The following ASH1L variants were observed in gnomAD, a reference collection of about 807,000 sequenced individuals.
ASH1L encodes the protein histone-lysine N-methyltransferase ASH1L.
A neutral mutation model predicts 269.0 loss-of-function variants in ASH1L; 23 were observed. That is an observed-to-expected ratio of 0.09 (90% CI 0.06 to 0.12). The LOEUF is 0.12. Among genes scored for constraint, ASH1L ranks in the 10% least tolerant of loss-of-function variants. The pLI is 1.00. For synonymous variants in ASH1L, 1,187 were observed against 1,253.5 expected (o/e 0.95, Z 1.12); for missense variants, 2,912 against 3,567.8 (o/e 0.82, Z 4.68).
intron 2 of ASH1L, among the ~76,000 whole-genome samples, chr1:155,499,509 CATT>C (rs1242253886): frequency 1.3e-5 from 2 of 152,176 alleles, no homozygotes; most frequent in East Asian, 1.9e-4. Flanking sequence ...TTTCTTTCAT[CATT>C]AAGTTTCATC....
At chr1:155,392,592 G>T (rs1349811712) in intron 7 of ASH1L, among the ~76,000 whole-genome samples, 1 of 152,076 alleles carries the variant, frequency 6.6e-6, no homozygotes, top group East Asian at 1.9e-4. Context: ...AGGTTCAAGT[G>T]ATTCTCGTGC....
intron 10 of ASH1L, among the ~76,000 whole-genome samples, chr1:155,372,682 C>T (rs1159251356): frequency 6.6e-6 from 1 of 151,686 alleles, no homozygotes; most frequent in Non-Finnish European, 1.5e-5. Context: ...CTGATCACAG[C>T]CTACTGTAGC....
At chr1:155,510,752 C>T (rs1373847142) in intron 2 of ASH1L, among the ~76,000 whole-genome samples, 1 of 151,926 alleles carries the variant, frequency 6.6e-6, no homozygotes, top group Non-Finnish European at 1.5e-5. Flanking sequence ...AACCTGAAAA[C>T]ACATTTTTTT....
At position 155,481,592 on chromosome 1, in the gene ASH1L, G is replaced by A. The variant is rs779861720; in HGVS notation, c.1278C>T (p.Ala426=). ...GTTCCTGAGTGGGGAGCAGTGCTTC[G>A]GCTTTAAGGTTTATGGCATCTTTAC... ...LISKDAINLK[A]EALLPTQEPL... The change falls in exon 3 of 28, where the codon GCC becomes GCT. Residue 426 remains alanine, a synonymous_variant. Transcript: ENST00000392403. 19 of 1,614,068 alleles carry A rather than the reference G, an allele frequency of 1.2e-5. No individual in the cohort carries two copies. Among genetic ancestry groups the A allele is most frequent in the Middle Eastern group, 3.3e-4 (2 of 6,062 alleles).
At chr1:155,355,291 T>G (rs192135951) in intron 15 of ASH1L, among the ~76,000 whole-genome samples, 1 of 152,372 alleles carries the variant, frequency 6.6e-6, no homozygotes, top group Admixed American at 6.5e-5. Context: ...CATCAGGTGA[T>G]CCACCCGCCT....
chr1:155,385,799 G>A (rs566343926), intron 7 of ASH1L, among the ~76,000 whole-genome samples: 2 of 152,194 alleles, frequency 1.3e-5, no homozygotes, highest in Non-Finnish European at 2.9e-5. Flanking sequence ...CCAGCTGTAA[G>A]TAAAAGACCA....
chr1:155,509,665 G>C (rs907076266), intron 2 of ASH1L, among the ~76,000 whole-genome samples: 3 of 152,126 alleles, frequency 2.0e-5, no homozygotes, highest in Admixed American at 6.6e-5. Context: ...TGGGCATGAT[G>C]GTGTGTGTCT....
intron 3 of ASH1L, among the ~76,000 whole-genome samples, chr1:155,473,801 CTTTA>C (rs1180151204): frequency 6.6e-6 from 1 of 152,066 alleles, no homozygotes; most frequent in Non-Finnish European, 1.5e-5. Flanking sequence ...TTCCCAGCCT[CTTTA>C]TTTATTAAGA....
intron 7 of ASH1L, among the ~76,000 whole-genome samples, chr1:155,390,794 C>T (rs1029999606): frequency 2.0e-5 from 3 of 150,182 alleles, no homozygotes; most frequent in South Asian, 2.1e-4. Flanking sequence ...TACGTGCGCC[C>T]GCCACCACGC....
At chr1:155,452,950 T>C (rs914710560) in intron 4 of ASH1L, among the ~76,000 whole-genome samples, 2 of 152,192 alleles carry the variant, frequency 1.3e-5, no homozygotes, top group Admixed American at 6.6e-5. Context: ...ATGTAAACCT[T>C]AGGAATTTTT....
At chr1:155,506,388 A>G (rs1667816236) in intron 2 of ASH1L, among the ~76,000 whole-genome samples, 1 of 152,094 alleles carries the variant, frequency 6.6e-6, no homozygotes, top group Admixed American at 6.5e-5. Flanking sequence ...ATTATTATCC[A>G]TTTTTCTTAT....
At chr1:155,546,398 G>A (rs1181373527) in intron 1 of ASH1L, among the ~76,000 whole-genome samples, 1 of 151,966 alleles carries the variant, frequency 6.6e-6, no homozygotes, top group Non-Finnish European at 1.5e-5. Context: ...ACAGGTGACA[G>A]TGAGTAAAGA....
In ASH1L at chr1:155,480,461, A is replaced by C; in HGVS notation, c.2409T>G (p.Ser803=). Residue 803 remains serine, a synonymous_variant, in exon 3 of 28, where the codon TCT becomes TCG. Coordinates refer to ENST00000392403, the MANE Select transcript of ASH1L (RefSeq NM_018489.3). Reference sequence around the variant, plus strand: ...TGGAGGATAGTTTGTGAGTAGCAAAAGACTTATGAGATGGTTTTTCACTAT... The same window carrying C: ...TGGAGGATAGTTTGTGAGTAGCAAACGACTTATGAGATGGTTTTTCACTAT... ...LADSEKPSHK[S]FATHKLSSSM... 1 of 1,614,094 alleles carries C rather than the reference A, an allele frequency of 6.2e-7. No individual in the cohort carries two copies. The highest frequency in any genetic ancestry group is 8.5e-7 in the Non-Finnish European group (1 of 1,179,954).
At chr1:155,563,155 G>A (rs1232916633), upstream of ASH1L, 2 of 457,194 alleles carry the variant, frequency 4.4e-6, no homozygotes, top group Admixed American at 2.3e-5. Context: ...GCGGATCGAG[G>A]ACTGCCTAGC....
Position 155,479,470 on chromosome 1 carries a change from G to A in ASH1L, c.3400C>T (p.Pro1134Ser), listed in dbSNP as rs2148723626. 6.2e-7 allele frequency: 1 copy of A among 1,614,122 alleles called. No homozygotes were observed. The highest frequency in any genetic ancestry group is 8.5e-7 in the Non-Finnish European group (1 of 1,180,020). ...DAGFVEPSSV[P>S]YLHLHSRQGS... ...TGTCTGGAGTGTAAATGCAAATATG[G>A]CACTGAACTGGGTTCAACAAAACCT... Residue 1134 changes from proline (P) to serine (S), a missense_variant, in exon 3 of 28, where the codon CCA (proline) becomes TCA (serine). This residue lies in a region of ASH1L where 157 missense variants were observed against 154.6 expected (regional missense o/e 1.02). Coordinates refer to ENST00000392403, the MANE Select transcript of ASH1L (RefSeq NM_018489.3).
intron 6 of ASH1L, among the ~76,000 whole-genome samples, chr1:155,411,928 G>A (rs558107035): frequency 7.2e-5 from 11 of 151,744 alleles, no homozygotes; most frequent in African/African-American, 2.4e-4. Context: ...TGTCATTGAC[G>A]CCTATGAAGC....
At chr1:155,449,806 A>G (rs1663339176) in intron 4 of ASH1L, among the ~76,000 whole-genome samples, 1 of 151,420 alleles carries the variant, frequency 6.6e-6, no homozygotes, top group Non-Finnish European at 1.5e-5. Flanking sequence ...GGCGTGAGCC[A>G]CTGCGCCCAG....
At chr1:155,338,416 TG>T (rs1201213214) in intron 26 of ASH1L, 26 bp from the exon 27 acceptor site, 18 of 1,598,042 alleles carry the variant, frequency 1.1e-5, no homozygotes, top group Non-Finnish European at 1.5e-5. Flanking sequence ...CTGAATTTAG[TG>T]TAAGACACTT....
chr1:155,506,722 A>C (rs1571010707), intron 2 of ASH1L, among the ~76,000 whole-genome samples: 2 of 152,064 alleles, frequency 1.3e-5, no homozygotes, highest in East Asian at 3.9e-4. Flanking sequence ...AGAAACATTA[A>C]TCTACCAGTT....
Sources: allele counts gnomAD v4.1 joint callset (sites outside exome capture counted in the v4.1 genomes callset), GRCh38; gene constraint gnomAD v4.1.1; regional missense constraint gnomAD v4.1.1; transcripts MANE v1.5; gene names NCBI Gene and HGNC (gene_info 2026-07-23, HGNC 2026-07-21).